The following ERBB4 variants were observed in gnomAD, a reference collection of about 807,000 sequenced individuals.
ERBB4 encodes the protein erb-b2 receptor tyrosine kinase 4.
A neutral mutation model predicts 158.0 loss-of-function variants in ERBB4; 42 were observed. That is an observed-to-expected ratio of 0.27 (90% confidence interval 0.21 to 0.34). ERBB4 has a LOEUF of 0.34. Among genes scored for constraint, ERBB4 ranks in the 10% least tolerant of loss-of-function variants. ERBB4 has a pLI of 1.00. For synonymous variants in ERBB4, 583 were observed against 558.7 expected, an observed-to-expected ratio of 1.04 and a Z score of -0.61; for missense variants, 1,333 against 1,624.1, an observed-to-expected ratio of 0.82 and a Z score of 3.08.
At chr2:211,923,876 T>A (rs2079942381) in intron 3 of ERBB4, among the ~76,000 whole-genome samples, 1 of 151,948 alleles carries the variant, frequency 6.6e-6, no homozygotes, top group African/African-American at 2.4e-5. Context: ...GCATGCACCA[T>A]CACGCCAAGC....
intron 25 of ERBB4, among the ~76,000 whole-genome samples, chr2:211,397,686 C>G (rs1272660827): frequency 6.6e-6 from 1 of 152,094 alleles, no homozygotes; most frequent in Non-Finnish European, 1.5e-5. Flanking sequence ...CAGTTTCAGG[C>G]CCGTGATTCT....
At chr2:211,893,931 G>A (rs2079033441) in intron 3 of ERBB4, among the ~76,000 whole-genome samples, 2 of 114,854 alleles carry the variant, frequency 1.7e-5, no homozygotes, top group Non-Finnish European at 3.5e-5. Flanking sequence ...GAGAGGATGT[G>A]GAGAAATAGG....
At chr2:212,011,693 T>G (rs1575513291) in intron 2 of ERBB4, among the ~76,000 whole-genome samples, 1 of 150,576 alleles carries the variant, frequency 6.6e-6, no homozygotes, top group Non-Finnish European at 1.5e-5. Context: ...GAGGCTGTGG[T>G]GAGCTGAGAC....
At chr2:212,490,522 A>C (rs1690216840) in intron 1 of ERBB4, among the ~76,000 whole-genome samples, 2 of 151,966 alleles carry the variant, frequency 1.3e-5, no homozygotes, top group South Asian at 2.1e-4. Flanking sequence ...GAGTTAAAAA[A>C]CCAGAGTCCT....
At chr2:211,619,375 G>A in intron 18 of ERBB4, 100 bp from the exon 19 acceptor site, 1 of 727,674 alleles carries the variant, frequency 1.4e-6, no homozygotes, top group Non-Finnish European at 2.4e-6. Flanking sequence ...ATCAACAAAT[G>A]TTTATTTAGC....
In ERBB4 at chr2:212,063,000, T is replaced by C. The variant is rs923246726; in HGVS notation, c.234+61752A>G. ...TGTGAAAATTGAATAAAATAAACTATACAAATTATTTATCATGCTGTCTAA... is the reference window on the plus strand; with the variant it reads ...TGTGAAAATTGAATAAAATAAACTACACAAATTATTTATCATGCTGTCTAA... On this transcript the variant is annotated intron_variant, in intron 2 of 27. Transcript: ENST00000342788. 3.9e-5 allele frequency among the ~76,000 whole-genome samples: 6 copies of C among 152,316 alleles called. No homozygotes were observed. The South Asian group carries it at 6.2e-4, about 16-fold the overall frequency.
At chr2:211,997,136 C>A (rs182348781) in intron 2 of ERBB4, among the ~76,000 whole-genome samples, 1 of 127,586 alleles carries the variant, frequency 7.8e-6, no homozygotes, top group South Asian at 2.3e-4. Context: ...TGCATTTAAA[C>A]CCCGTTTGCC....
chr2:212,151,995 C>T (rs932689170), intron 1 of ERBB4, among the ~76,000 whole-genome samples: 2 of 152,166 alleles, frequency 1.3e-5, no homozygotes, highest in South Asian at 2.1e-4. Flanking sequence ...ATGATCAGTT[C>T]ATTCAATTAT....
At chr2:212,314,809 C>T (rs1285752844) in intron 1 of ERBB4, among the ~76,000 whole-genome samples, 1 of 151,200 alleles carries the variant, frequency 6.6e-6, no homozygotes, top group Non-Finnish European at 1.5e-5. Context: ...CTATTCTACT[C>T]TTGGCAAGTC....
intron 3 of ERBB4, among the ~76,000 whole-genome samples, chr2:211,901,340 A>C (rs2079230091): frequency 1.3e-5 from 2 of 152,198 alleles, no homozygotes; most frequent in Admixed American, 6.5e-5. Flanking sequence ...GATTTAAAAA[A>C]CTGTCTGGTA....
At chr2:212,010,615 GTC>G (rs1575511685) in intron 2 of ERBB4, among the ~76,000 whole-genome samples, 2 of 152,088 alleles carry the variant, frequency 1.3e-5, no homozygotes, top group African/African-American at 4.8e-5. Flanking sequence ...ACTGATAAGG[GTC>G]TATATTCAGT....
chr2:211,772,947 ATATATATAT>A (rs2075751786), intron 4 of ERBB4, among the ~76,000 whole-genome samples: 1 of 81,774 alleles, frequency 1.2e-5, no homozygotes, highest in African/African-American at 6.9e-5. Flanking sequence ...ATATATATAT[ATATATATAT>A]TTTTTTTTTT....
chr2:211,419,819 G>T (rs1006086894), intron 25 of ERBB4, among the ~76,000 whole-genome samples: 1 of 152,050 alleles, frequency 6.6e-6, no homozygotes, highest in Admixed American at 6.5e-5. Context: ...TTCAAAGAAA[G>T]AATGGAATTC....
chr2:212,360,461 A>G (rs1313162576), intron 1 of ERBB4, among the ~76,000 whole-genome samples: 2 of 151,566 alleles, frequency 1.3e-5, no homozygotes, highest in African/African-American at 4.8e-5. Context: ...AATTCAAAAC[A>G]ATCTCTGTTG....
chr2:212,476,904 A>G (rs140539222), intron 1 of ERBB4, among the ~76,000 whole-genome samples: 306 of 152,248 alleles, frequency 2.0e-3, no homozygotes, highest in Non-Finnish European at 2.9e-3. Context: ...CAGTCTATAT[A>G]GAATTATGAA....
At chr2:211,652,219 T>C (rs1260719423) in intron 16 of ERBB4, among the ~76,000 whole-genome samples, 1 of 152,216 alleles carries the variant, frequency 6.6e-6, no homozygotes, top group East Asian at 1.9e-4. Flanking sequence ...TGGTATTTTA[T>C]GGCTACTGGG....
chr2:212,012,350 G>C (rs2076408251), intron 2 of ERBB4, among the ~76,000 whole-genome samples: 1 of 151,884 alleles, frequency 6.6e-6, no homozygotes, highest in East Asian at 1.9e-4. Flanking sequence ...GCCCTAAGGG[G>C]TGCCAAATGG....
At chr2:212,444,081 G>A (rs2092305009) in intron 1 of ERBB4, among the ~76,000 whole-genome samples, 1 of 152,124 alleles carries the variant, frequency 6.6e-6, no homozygotes. Context: ...TGGCTCAAAT[G>A]CCCATGGTCT....
chr2:211,487,736 C>T (rs923903594), intron 20 of ERBB4, among the ~76,000 whole-genome samples: 7 of 152,000 alleles, frequency 4.6e-5, no homozygotes, highest in African/African-American at 1.4e-4. Flanking sequence ...GCAGAAAAGC[C>T]TGGTAGCAAG....
Sources: allele counts gnomAD v4.1 joint callset (sites outside exome capture counted in the v4.1 genomes callset), GRCh38; gene constraint gnomAD v4.1.1; transcripts MANE v1.5; gene names NCBI Gene and HGNC (gene_info 2026-07-23, HGNC 2026-07-21).